The following PCSK6 variants were observed in gnomAD, a reference collection of about 807,000 sequenced individuals.
PCSK6 encodes the protein proprotein convertase subtilisin/kexin type 6.
Under a neutral mutation model 123.3 loss-of-function variants are expected in PCSK6, and 85 were observed. The observed-to-expected ratio is 0.69, with a 90% CI of 0.58 to 0.83. The LOEUF (loss-of-function observed/expected upper bound fraction) is 0.83, where lower values mean the gene tolerates loss of function less well. Among genes scored for constraint, PCSK6 ranks in the 40% least tolerant of loss-of-function variants. PCSK6 has a pLI of 0.00. For synonymous variants in PCSK6, 508 were observed against 516.0 expected (o/e 0.98, Z 0.21); for missense variants, 1,191 against 1,282.3 (o/e 0.93, Z 1.09).
intron 15 of PCSK6, among the ~76,000 whole-genome samples, chr15:101,331,306 G>C (rs948894878): frequency 3.3e-5 from 5 of 152,236 alleles, no homozygotes; most frequent in Admixed American, 6.5e-5. Context: ...ATCAGTATCT[G>C]CTGACATCAT....
At chr15:101,352,714 G>T in intron 13 of PCSK6, among the ~76,000 whole-genome samples, 1 of 152,136 alleles carries the variant, frequency 6.6e-6, no homozygotes. Flanking sequence ...CATTTTTTCA[G>T]AATTTCTCTA....
chr15:101,349,185 G>A (rs969270621), intron 13 of PCSK6, among the ~76,000 whole-genome samples: 4 of 152,142 alleles, frequency 2.6e-5, no homozygotes, highest in African/African-American at 7.2e-5. Context: ...GCTCTGCCCC[G>A]GGGGCCTGCA....
At chr15:101,342,129 C>CAAAAAAAAAAAAAAAA (rs35083182) in intron 13 of PCSK6, among the ~76,000 whole-genome samples, 33 of 51,518 alleles carry the variant, frequency 6.4e-4, no homozygotes, top group Middle Eastern at 0.014. Flanking sequence ...GACCCTGTCT[C>CAAAAAAAAAAAAAAAA]AAAAAAAAAA....
At chr15:101,404,304 G>A (rs1212852619) in intron 6 of PCSK6, among the ~76,000 whole-genome samples, 1 of 152,150 alleles carries the variant, frequency 6.6e-6, no homozygotes, top group East Asian at 1.9e-4. Context: ...GCCACCTCTA[G>A]GCCCAGCTCA....
chr15:101,489,206 C>CA (rs1293218092), intron 1 of PCSK6, among the ~76,000 whole-genome samples, 168 bp downstream of exon 1: 131 of 48,844 alleles, frequency 2.7e-3, no homozygotes, highest in Non-Finnish European at 4.7e-3. Context: ...CCGGGCGACA[C>CA]CCCCCCCCGC....
chr15:101,443,601 G>A lies in PCSK6; in HGVS notation c.357C>T (p.Thr119=). ...FYHSKTFKRS[T]LSSRGPHTFL... ...AGGTGTGAGGGCCTCTGCTACTCAA[G>A]GTTGATCTTTTAAAGGTTTTGCTGT... Residue 119 remains threonine (T), a synonymous_variant, in exon 2 of 22, where the codon ACC becomes ACT. Coordinates refer to ENST00000611716, the MANE Select transcript of PCSK6 (RefSeq NM_002570.5). 1 of 1,613,934 alleles carries A rather than the reference G, an allele frequency of 6.2e-7. No individual in the cohort carries two copies. The highest frequency in any genetic ancestry group is 8.5e-7 in the Non-Finnish European group (1 of 1,179,842).
At chr15:101,392,367 A>C (rs1220522318) in intron 8 of PCSK6, among the ~76,000 whole-genome samples, 1 of 152,260 alleles carries the variant, frequency 6.6e-6, no homozygotes, top group Non-Finnish European at 1.5e-5. Context: ...AGCAAAGCCG[A>C]GAACAGGAAG....
intron 13 of PCSK6, among the ~76,000 whole-genome samples, chr15:101,352,454 C>G (rs2040918335): frequency 6.6e-6 from 1 of 152,210 alleles, no homozygotes; most frequent in Non-Finnish European, 1.5e-5. Context: ...ATGATGTTTT[C>G]TGCCAGACAG....
intron 12 of PCSK6, among the ~76,000 whole-genome samples, chr15:101,369,722 T>G (rs1213540304): frequency 6.6e-6 from 1 of 151,616 alleles, no homozygotes; most frequent in Non-Finnish European, 1.5e-5. Flanking sequence ...TTTCTAAGTT[T>G]GTTAAAGAAA....
chr15:101,367,177 A>T (rs147182263), intron 12 of PCSK6, among the ~76,000 whole-genome samples: 32 of 152,166 alleles, frequency 2.1e-4, no homozygotes, highest in African/African-American at 7.2e-4. Context: ...TCTGCCTCAC[A>T]CTTGGTTCAG....
At chr15:101,306,902 C>G (rs1266459438) in intron 21 of PCSK6, among the ~76,000 whole-genome samples, 1 of 152,198 alleles carries the variant, frequency 6.6e-6, no homozygotes, top group Non-Finnish European at 1.5e-5. Context: ...ATCCGGGCCA[C>G]CGGCGGCCTA....
chr15:101,466,647 A>T (rs2057467213), intron 1 of PCSK6, among the ~76,000 whole-genome samples: 1 of 152,244 alleles, frequency 6.6e-6, no homozygotes, highest in Admixed American at 6.5e-5. Context: ...AATTCATTAC[A>T]GTGGAATGTT....
intron 3 of PCSK6, 112 bp downstream of exon 3, chr15:101,431,878 G>A: frequency 1.3e-6 from 1 of 786,176 alleles, no homozygotes; most frequent in Non-Finnish European, 2.2e-6. Context: ...AAGGTGAAGT[G>A]TGTCTGTCTG....
rs1206900940 is a variant in PCSK6 at position 101,304,286 on chromosome 15, A to G, written c.*972T>C. ...CAGAATAAATCCAACTGTGTCATGT[A>G]GGCTTGTAATATACACAGACACAGG... On this transcript the variant is annotated 3_prime_UTR_variant, in exon 22 of 22. Transcript: ENST00000611716. The G allele has an allele frequency of 6.6e-6, 1 of 152,594 alleles. No homozygotes were observed. The highest frequency in any genetic ancestry group is 1.5e-5 in the Non-Finnish European group (1 of 68,038). The allele number at this position is 152,594 out of a possible 1,614,324, so 9.5% of individuals were successfully genotyped here.
chr15:101,482,963 C>T (rs1300307596), intron 1 of PCSK6, among the ~76,000 whole-genome samples: 5 of 152,222 alleles, frequency 3.3e-5, no homozygotes, highest in Non-Finnish European at 7.3e-5. Flanking sequence ...GTCAATTAAA[C>T]TCCTGCCCAC....
intron 2 of PCSK6, among the ~76,000 whole-genome samples, chr15:101,441,755 C>G (rs138046622): frequency 6.6e-6 from 1 of 152,212 alleles, no homozygotes; most frequent in Non-Finnish European, 1.5e-5. Context: ...TTCCTGCATG[C>G]AAACAGCTTG....
chr15:101,462,010 A>G (rs1247907492), intron 1 of PCSK6, among the ~76,000 whole-genome samples: 2 of 152,242 alleles, frequency 1.3e-5, no homozygotes, highest in Non-Finnish European at 2.9e-5. Context: ...AAGATTGATT[A>G]GGGAGAGACA....
intron 6 of PCSK6, among the ~76,000 whole-genome samples, chr15:101,422,610 T>C (rs1482036244): frequency 3.4e-5 from 5 of 148,550 alleles, no homozygotes; most frequent in Admixed American, 1.3e-4. Context: ...TTTAACCAAC[T>C]GCTAGAACGA....
At chr15:101,423,861 G>T (rs534718474) in intron 6 of PCSK6, among the ~76,000 whole-genome samples, 1 of 152,214 alleles carries the variant, frequency 6.6e-6, no homozygotes, top group East Asian at 1.9e-4. Flanking sequence ...TTAATACGAA[G>T]AAAACTACAT....
Sources: gnomAD v4.1 joint callset for allele counts (sites outside exome capture counted in the v4.1 genomes callset) on GRCh38, gnomAD v4.1.1 for gene constraint, MANE v1.5 for transcripts, NCBI Gene and HGNC (gene_info 2026-07-23, HGNC 2026-07-21) for gene names.